SOS2: variants seen among roughly 807,000 people sequenced by gnomAD.
SOS2 encodes the protein SOS Ras/Rho guanine nucleotide exchange factor 2.
A neutral mutation model predicts 148.2 loss-of-function variants in SOS2; 65 were observed. The ratio of observed to expected loss-of-function variants is 0.44; its 90% confidence interval spans 0.36 to 0.54. SOS2 has a LOEUF of 0.54. Ranked by LOEUF, SOS2 falls within the 20% of genes least tolerant of loss-of-function variation. SOS2 has a pLI of 0.00. For missense variants in SOS2, 1,341 were observed against 1,590.2 expected (o/e 0.84, Z 2.67); for synonymous variants, 539 against 537.1 (o/e 1.00, Z -0.05).
intron 4 of SOS2, among the ~76,000 whole-genome samples, chr14:50,196,750 G>T (rs1225464630): frequency 6.6e-6 from 1 of 152,060 alleles, no homozygotes; most frequent in East Asian, 1.9e-4. Flanking sequence ...ACTATAATTT[G>T]TCAATTTATA....
At chr14:50,122,076 T>C (rs1158925112) in intron 21 of SOS2, among the ~76,000 whole-genome samples, 2 of 152,166 alleles carry the variant, frequency 1.3e-5, no homozygotes, top group Non-Finnish European at 2.9e-5. Flanking sequence ...GGGGCCTAAT[T>C]GGTATAAATC....
rs60438147 is a variant in SOS2, at chr14:50,147,512, TAAAAAAAAAAA to T, written c.2385-1927_2385-1917del. Among the ~76,000 whole-genome samples the T allele has an allele frequency of 6.1e-3, 637 of 105,258 alleles. 5 individuals carry two copies. Among genetic ancestry groups the T allele is most frequent in the African/African-American group, 0.022 (606 of 27,450 alleles). 69.1% of individuals were successfully genotyped at this position (105,258 alleles called of 152,430 possible). A position where few individuals can be genotyped will look rare whatever the true frequency, so the allele number is the denominator to read the frequency against. The stretch of plus-strand genomic sequence containing the variant: ...GGGCAACAGAGTGAGACCCTGTTTC[TAAAAAAAAAAA>T]AAAAAAAAAAAAGTGTACAACAATG... On this transcript the variant is annotated intron_variant, in intron 14 of 22. Transcript: ENST00000216373.
At chr14:50,218,151 A>G (rs1887089691) in intron 1 of SOS2, among the ~76,000 whole-genome samples, 1 of 150,510 alleles carries the variant, frequency 6.6e-6, no homozygotes, top group Non-Finnish European at 1.5e-5. Context: ...AAAAAAAAAA[A>G]AGAAAGAAAG....
chr14:50,211,530 A>T (rs1324913658), intron 1 of SOS2, among the ~76,000 whole-genome samples: 1 of 151,930 alleles, frequency 6.6e-6, no homozygotes, highest in African/African-American at 2.4e-5. Flanking sequence ...CTCACCCGTA[A>T]ATGAGAACAT....
intron 7 of SOS2, among the ~76,000 whole-genome samples, chr14:50,177,296 G>T (rs1227422385): frequency 6.6e-6 from 1 of 152,050 alleles, no homozygotes; most frequent in Non-Finnish European, 1.5e-5. Flanking sequence ...CTCCAGCCTG[G>T]GCAACAGAGT....
At chr14:50,141,349 A>C (rs893322646) in intron 16 of SOS2, among the ~76,000 whole-genome samples, 48 of 151,756 alleles carry the variant, frequency 3.2e-4, no homozygotes, top group African/African-American at 1.1e-3. Flanking sequence ...GCAACGCCCA[A>C]TCTCCACATA....
At chr14:50,200,834 T>C in intron 3 of SOS2, 119 bp downstream of exon 3, 1 of 782,098 alleles carries the variant, frequency 1.3e-6, no homozygotes. Flanking sequence ...AGCATACATA[T>C]GGAAGTGCAC....
chr14:50,184,984 C>T lies in SOS2; in HGVS notation c.715-2378G>A, dbSNP rs370107760. Among the ~76,000 whole-genome samples the T allele has an allele frequency of 2.2e-4, 33 of 152,130 alleles. No individual in the cohort carries two copies. The East Asian group carries it at 5.0e-3, about 23-fold the overall frequency. On this transcript the variant is annotated intron_variant, in intron 5 of 22. Transcript: ENST00000216373. ...GTGGAGGTGCTAGGAGGGTGGCTTG[C>T]CCAGAGAGGGCTTGGAAACTCTGTG...
chr14:50,171,779 C>A (rs939604699), intron 8 of SOS2, among the ~76,000 whole-genome samples: 1 of 151,074 alleles, frequency 6.6e-6, no homozygotes, highest in African/African-American at 2.4e-5. Flanking sequence ...ATATTATCAT[C>A]TCTCAAAGTT....
At chr14:50,144,829 A>G (rs1427632709) in intron 16 of SOS2, among the ~76,000 whole-genome samples, 1 of 152,160 alleles carries the variant, frequency 6.6e-6, no homozygotes, top group East Asian at 1.9e-4. Context: ...TTATATTTAA[A>G]ATCCTTTGTC....
rs768766517 is a variant in SOS2 at position 50,172,419 on chromosome 14, C to CTTTTTTT, written c.1068+2028_1068+2034dup. Among the ~76,000 whole-genome samples, 55 of 82,756 alleles carry CTTTTTTT rather than the reference C, an allele frequency of 6.6e-4. 10 individuals carry two copies. Among genetic ancestry groups the CTTTTTTT allele is most frequent in the African/African-American group, 1.8e-3 (35 of 19,844 alleles). The allele number at this position is 82,756 out of a possible 152,430, so 54.3% of individuals were successfully genotyped here. A position where few individuals can be genotyped will look rare whatever the true frequency, so the allele number is the denominator to read the frequency against. ...ATGGGTAGTTTCTCTTTATTCATTC[C>CTTTTTTT]TTTTTTTTTTTTTTCTGAGATGGAG... is the stretch of plus-strand genomic sequence containing the variant. On this transcript the variant is annotated intron_variant, in intron 8 of 22. Transcript: ENST00000216373.
chr14:50,208,161 G>A (rs1886734181), intron 1 of SOS2, among the ~76,000 whole-genome samples: 1 of 152,048 alleles, frequency 6.6e-6, no homozygotes, highest in Admixed American at 6.5e-5. Context: ...GCCACGCATG[G>A]TAGAAGGCGC....
rs540246002 is a variant in SOS2 at position 50,117,295 on chromosome 14, T to A, written c.*1049A>T. 3 of 152,286 alleles carry A rather than the reference T, an allele frequency of 2.0e-5. No individual in the cohort carries two copies. In the East Asian group the frequency reaches 5.8e-4, roughly 29 times the overall value. 9.4% of individuals were successfully genotyped at this position (152,286 alleles called of 1,614,324 possible). On this transcript the variant is annotated 3_prime_UTR_variant, in exon 23 of 23. Transcript: ENST00000216373. ...CACTCTATCACTTTGAACGAAGGCA[T>A]CCAAATGGCAAATAAAAGCTTTACT...
At chr14:50,200,346 G>A (rs141641637) in intron 3 of SOS2, among the ~76,000 whole-genome samples, 20 of 152,074 alleles carry the variant, frequency 1.3e-4, no homozygotes, top group South Asian at 1.2e-3. Flanking sequence ...TGCCCTATGC[G>A]TTAATATGCA....
At chr14:50,146,647 A>AAAAC (rs768745358) in intron 14 of SOS2, among the ~76,000 whole-genome samples, 1 of 152,090 alleles carries the variant, frequency 6.6e-6, no homozygotes, top group Non-Finnish European at 1.5e-5. Flanking sequence ...ACTCTGTCTC[A>AAAAC]AAACAAACAA....
intron 14 of SOS2, 26 bp from the exon 15 acceptor site, chr14:50,145,622 T>G (rs752646119): frequency 6.8e-7 from 1 of 1,473,144 alleles, no homozygotes; most frequent in Non-Finnish European, 9.3e-7. Context: ...TCAGTGCAAC[T>G]TAACCTATAA....
chr14:50,175,005 G>A (rs772766386), intron 7 of SOS2, among the ~76,000 whole-genome samples: 49 of 152,090 alleles, frequency 3.2e-4, no homozygotes, highest in South Asian at 6.2e-4. Flanking sequence ...TATGAAAAAC[G>A]TCTGTCATAC....
upstream of SOS2, chr14:50,231,685 G>T (rs1887555702): frequency 1.2e-5 from 2 of 163,706 alleles, no homozygotes; most frequent in African/African-American, 2.4e-5. Flanking sequence ...GAGCAGCGGC[G>T]GCGGCGGCGG....
At chr14:50,159,371 T>C (rs959468089) in intron 10 of SOS2, 60 bp downstream of exon 10, 42 of 1,125,014 alleles carry the variant, frequency 3.7e-5, no homozygotes, top group Non-Finnish European at 4.9e-5. Context: ...TTTTTGAGCA[T>C]CCTTAAAAAG....
Sources: gnomAD v4.1 joint callset for allele counts (sites outside exome capture counted in the v4.1 genomes callset) on GRCh38, gnomAD v4.1.1 for gene constraint, MANE v1.5 for transcripts, NCBI Gene and HGNC (gene_info 2026-07-23, HGNC 2026-07-21) for gene names.